Variants in NFIA observed in about 807,000 individuals in gnomAD.
The protein encoded by NFIA is nuclear factor 1 A-type.
NFIA carries 8 observed loss-of-function variants against 62.8 expected under a neutral mutation model. That is an observed-to-expected ratio of 0.13 (90% CI 0.07 to 0.23). NFIA has a LOEUF of 0.23. Among genes scored for constraint, NFIA ranks in the 10% least tolerant of loss-of-function variants. NFIA has a pLI of 1.00. For synonymous variants in NFIA, 235 were observed against 238.1 expected (o/e 0.99, Z 0.12); for missense variants, 410 against 642.1 (o/e 0.64, Z 3.91).
At chr1:61,137,262 C>A (rs1403184839) in intron 2 of NFIA, among the ~76,000 whole-genome samples, 2 of 152,124 alleles carry the variant, frequency 1.3e-5, no homozygotes, top group African/African-American at 4.8e-5. Context: ...GTATACCTTA[C>A]CATCTCATTT....
In NFIA at chr1:61,266,130, T is replaced by C. The variant is rs182457967; in HGVS notation, c.560-11390T>C. On this transcript the variant is annotated intron_variant, in intron 2 of 10. Coordinates refer to ENST00000403491, the MANE Select transcript of NFIA (RefSeq NM_001134673.4). ...TAACCCTCACCTTCATCTATAGATA[T>C]TCTGGCCTGGAGAGGTAAGAATTTA... Among the ~76,000 whole-genome samples, 258 of 152,294 alleles carry C rather than the reference T, an allele frequency of 1.7e-3. 2 individuals are homozygous for C. Among genetic ancestry groups the C allele is most frequent in the Middle Eastern group, 3.4e-3 (1 of 294 alleles).
chr1:61,193,459 C>A (rs1651781203), intron 2 of NFIA, among the ~76,000 whole-genome samples: 2 of 152,280 alleles, frequency 1.3e-5, no homozygotes, highest in East Asian at 3.9e-4. Context: ...CTATAACTAC[C>A]CTCCCTTCCT....
chr1:61,209,371 A>G (rs1653098135), intron 2 of NFIA, among the ~76,000 whole-genome samples: 1 of 152,064 alleles, frequency 6.6e-6, no homozygotes, highest in Non-Finnish European at 1.5e-5. Context: ...TGGTTTTGTT[A>G]TTATTTATTT....
At chr1:61,352,239 G>T (rs1662581412) in intron 4 of NFIA, among the ~76,000 whole-genome samples, 1 of 152,108 alleles carries the variant, frequency 6.6e-6, no homozygotes, top group Non-Finnish European at 1.5e-5. Flanking sequence ...AAAGAGAAAA[G>T]ATGAAAAATA....
chr1:61,389,241 G>A (rs149522617), intron 7 of NFIA, among the ~76,000 whole-genome samples: 73 of 152,240 alleles, frequency 4.8e-4, no homozygotes, highest in African/African-American at 1.2e-3. Flanking sequence ...CAGCATGGGC[G>A]CTGCCCCCTG....
chr1:61,179,367 G>A (rs144539773), intron 2 of NFIA, among the ~76,000 whole-genome samples: 143 of 152,326 alleles, frequency 9.4e-4, no homozygotes, highest in Admixed American at 3.3e-3. Flanking sequence ...AGGCAGTCTG[G>A]GGTATTGTTC....
chr1:61,366,722 A>G (rs1663610404), intron 6 of NFIA, among the ~76,000 whole-genome samples: 1 of 152,156 alleles, frequency 6.6e-6, no homozygotes, highest in Admixed American at 6.5e-5. Context: ...CAGGAGTTTG[A>G]GACCTGCCTG....
upstream of NFIA, chr1:61,081,823 G>A (rs538569071): frequency 1.3e-6 from 2 of 1,492,576 alleles, no homozygotes; most frequent in South Asian, 2.5e-5. Flanking sequence ...TACCTCTGCC[G>A]ACGAATCTAT....
At chr1:61,207,609 A>C (rs974336727) in intron 2 of NFIA, among the ~76,000 whole-genome samples, 17 of 152,292 alleles carry the variant, frequency 1.1e-4, no homozygotes, top group African/African-American at 4.1e-4. Context: ...GTGAGCACTC[A>C]TCTTTGACCA....
chr1:61,226,248 CAT>C (rs1341389989), intron 2 of NFIA, among the ~76,000 whole-genome samples: 1 of 152,174 alleles, frequency 6.6e-6, no homozygotes, highest in Non-Finnish European at 1.5e-5. Context: ...TGGGAAGTAA[CAT>C]GTGCCTCAAC....
chr1:61,319,532 G>C (rs1660552721), intron 3 of NFIA, among the ~76,000 whole-genome samples: 1 of 152,070 alleles, frequency 6.6e-6, no homozygotes, highest in South Asian at 2.1e-4. Context: ...GTGTCTGTGT[G>C]TGTCTGTCTG....
At chr1:61,399,813 T>C (rs540902507) in intron 7 of NFIA, among the ~76,000 whole-genome samples, 141 of 152,306 alleles carry the variant, frequency 9.3e-4, no homozygotes, top group African/African-American at 3.3e-3. Context: ...AGCACTCTTA[T>C]GTGTCTACAA....
chr1:61,250,397 T>C (rs1420563673), intron 2 of NFIA, among the ~76,000 whole-genome samples: 3 of 152,238 alleles, frequency 2.0e-5, no homozygotes, highest in African/African-American at 7.2e-5. Flanking sequence ...CCTCTCTTTT[T>C]GTTCTGCTCC....
chr1:61,141,990 T>A (rs1421881117), intron 2 of NFIA, among the ~76,000 whole-genome samples: 2 of 152,086 alleles, frequency 1.3e-5, no homozygotes, highest in African/African-American at 4.8e-5. Context: ...TATGTTCTCC[T>A]AAAATGCAGC....
intron 2 of NFIA, among the ~76,000 whole-genome samples, chr1:61,269,344 ATACT>A (rs905547394): frequency 1.3e-5 from 2 of 152,166 alleles, no homozygotes; most frequent in Non-Finnish European, 2.9e-5. Context: ...CTCTGTTTTG[ATACT>A]TAAATAAGAC....
chr1:61,098,440 A>C (rs1646454133), intron 2 of NFIA, among the ~76,000 whole-genome samples: 1 of 152,204 alleles, frequency 6.6e-6, no homozygotes. Flanking sequence ...AAGTTACTAA[A>C]GTTTCTGATG....
intron 9 of NFIA, among the ~76,000 whole-genome samples, chr1:61,419,970 T>C (rs989987852): frequency 6.6e-6 from 1 of 152,180 alleles, no homozygotes; most frequent in Non-Finnish European, 1.5e-5. Context: ...ACGAGGTAGC[T>C]GTACAGATGT....
intron 2 of NFIA, among the ~76,000 whole-genome samples, chr1:61,096,212 TTTG>T (rs903077624): frequency 1.1e-4 from 17 of 152,226 alleles, no homozygotes; most frequent in African/African-American, 2.6e-4. Context: ...TGAGCTTTTT[TTTG>T]TTGTTGTTGT....
At chr1:61,225,157 A>C (rs1654251589) in intron 2 of NFIA, among the ~76,000 whole-genome samples, 1 of 152,118 alleles carries the variant, frequency 6.6e-6, no homozygotes, top group Admixed American at 6.5e-5. Context: ...AAAAAACAAA[A>C]AAAAAAGTCT....
Sources: gnomAD v4.1 joint callset for allele counts (sites outside exome capture counted in the v4.1 genomes callset) on GRCh38, gnomAD v4.1.1 for gene constraint, MANE v1.5 for transcripts, NCBI Gene and HGNC (gene_info 2026-07-23, HGNC 2026-07-21) for gene names.